The following BCAR3 variants were observed in gnomAD, a reference collection of about 807,000 sequenced individuals.
BCAR3 encodes the protein BCAR3 adaptor protein, NSP family member, also known as breast cancer anti-estrogen resistance protein 3.
Under a neutral mutation model 80.1 loss-of-function variants are expected in BCAR3, and 37 were observed. The ratio of observed to expected loss-of-function variants is 0.46; its 90% CI spans 0.36 to 0.61. The LOEUF is 0.61. Ranked by LOEUF, BCAR3 falls within the 20% of genes least tolerant of loss-of-function variation. BCAR3 has a pLI of 0.00. For missense variants in BCAR3, 978 were observed against 1,068.2 expected (o/e 0.92, Z 1.18); for synonymous variants, 389 against 418.9 (o/e 0.93, Z 0.87).
intron 2 of BCAR3, among the ~76,000 whole-genome samples, chr1:93,810,487 C>T (rs762343816): frequency 6.6e-6 from 1 of 152,152 alleles, no homozygotes; most frequent in Non-Finnish European, 1.5e-5. Flanking sequence ...CCCACATCAG[C>T]ACACTCTGAT....
At chr1:93,711,838 T>C (rs1650038111) in intron 2 of BCAR3, among the ~76,000 whole-genome samples, 1 of 152,214 alleles carries the variant, frequency 6.6e-6, no homozygotes, top group Admixed American at 6.5e-5. Context: ...GTCTTATTCA[T>C]GTTTGTGACC....
In BCAR3 at chr1:93,786,064, G is replaced by T. The variant is rs1483061416; in HGVS notation, c.-63+59503C>A. On this transcript the variant is annotated intron_variant, in intron 2 of 13. Transcript: ENST00000370244. ...AAAAATTAGCCGGGCGTGGTGGCGG[G>T]CGCCTGTAGTCCCAGCTACTCGGGA... 1.4e-5 allele frequency among the ~76,000 whole-genome samples: 2 copies of T among 141,306 alleles called. 1 individual carries two copies. Among genetic ancestry groups the T allele is most frequent in the Admixed American group, 1.4e-4 (2 of 14,088 alleles). 92.7% of individuals were successfully genotyped at this position (141,306 alleles called of 152,430 possible). A position where few individuals can be genotyped will look rare whatever the true frequency, so the allele number is the denominator to read the frequency against.
intron 3 of BCAR3, among the ~76,000 whole-genome samples, chr1:93,689,496 A>T (rs948268966): frequency 6.7e-6 from 1 of 150,274 alleles, no homozygotes; most frequent in African/African-American, 2.5e-5. Context: ...GCACCATTGC[A>T]CTCTAGCCTA....
chr1:93,622,627 T>C (rs1336014794), intron 3 of BCAR3, among the ~76,000 whole-genome samples: 2 of 152,170 alleles, frequency 1.3e-5, no homozygotes, highest in South Asian at 2.1e-4. Flanking sequence ...GGGACCGCTT[T>C]TGTCACATGG....
intron 3 of BCAR3, among the ~76,000 whole-genome samples, chr1:93,629,266 A>G (rs1279533067): frequency 1.3e-5 from 2 of 152,074 alleles, no homozygotes; most frequent in African/African-American, 4.8e-5. Context: ...CCAGGCATGG[A>G]GTCTTCTGCC....
chr1:93,628,571 T>G (rs1675516555), intron 3 of BCAR3, among the ~76,000 whole-genome samples: 2 of 152,168 alleles, frequency 1.3e-5, no homozygotes, highest in Admixed American at 1.3e-4. Flanking sequence ...TTGCCCTTCT[T>G]CTTCCCCTTA....
At chr1:93,688,081 C>T (rs546419628) in intron 3 of BCAR3, among the ~76,000 whole-genome samples, 1 of 152,278 alleles carries the variant, frequency 6.6e-6, no homozygotes, top group South Asian at 2.1e-4. Context: ...GGTGCCTGCC[C>T]CTGAAGAGCT....
chr1:93,703,454 C>A (rs1649719049), intron 3 of BCAR3, among the ~76,000 whole-genome samples: 1 of 151,784 alleles, frequency 6.6e-6, no homozygotes, highest in Non-Finnish European at 1.5e-5. Context: ...GTAGTCCTAC[C>A]TACTCGGGAG....
intron 3 of BCAR3, among the ~76,000 whole-genome samples, chr1:93,609,109 G>A (rs1674871004): frequency 6.6e-6 from 1 of 152,210 alleles, no homozygotes; most frequent in South Asian, 2.1e-4. Flanking sequence ...CCAAGTTCCA[G>A]GGGCCTGGCA....
chr1:93,723,239 A>AAC (rs1410085971), intron 2 of BCAR3: 1 of 152,162 alleles, frequency 6.6e-6, no homozygotes, highest in Non-Finnish European at 1.5e-5. Flanking sequence ...TTGAAATAGA[A>AAC]ACACACACTC....
At chr1:93,645,330 G>A (rs534126066) in intron 2 of BCAR3, among the ~76,000 whole-genome samples, 133 of 152,160 alleles carry the variant, frequency 8.7e-4, no homozygotes, top group African/African-American at 3.2e-3. Context: ...AAAATAAGGA[G>A]AATGATCCCC....
chr1:93,772,273 T>C (rs1373654729), intron 2 of BCAR3, among the ~76,000 whole-genome samples: 2 of 152,140 alleles, frequency 1.3e-5, no homozygotes, highest in Non-Finnish European at 1.5e-5. Context: ...GACTACAAGT[T>C]GGAGAGAGGA....
At position 93,716,484 on chromosome 1, in the gene BCAR3, T is replaced by TG. The variant is rs1232241227; in HGVS notation, c.-62-10343dup. Among the ~76,000 whole-genome samples, 10 of 152,224 alleles carry TG rather than the reference T, an allele frequency of 6.6e-5. No homozygotes were observed. In the East Asian group the frequency reaches 1.9e-3, roughly 29 times the overall value. ...AATTCAAACTCATTAGCTTGGCCTG[T>TG]GAGATCAAGGGTGATCTGACTCTTA... is the stretch of plus-strand genomic sequence containing the variant. On this transcript the variant is annotated intron_variant, in intron 2 of 13. Transcript: ENST00000370244.
intron 2 of BCAR3, among the ~76,000 whole-genome samples, chr1:93,754,889 A>G (rs1651693031): frequency 6.6e-6 from 1 of 152,338 alleles, no homozygotes; most frequent in East Asian, 1.9e-4. Context: ...CAGTTGCTTC[A>G]GGAGGTATTC....
In BCAR3 at chr1:93,814,609, A is replaced by C. The variant is rs1488867130; in HGVS notation, c.-63+30958T>G. Among the ~76,000 whole-genome samples, 4 of 152,202 alleles carry C rather than the reference A, an allele frequency of 2.6e-5. No homozygotes were observed. In the South Asian group the frequency reaches 8.3e-4, roughly 32 times the overall value. ...GAACTCTGGGCAGCCCTCATGGAGAAGGAGGCCTGGCCTTTAGTGTTTCTG... is the reference window on the plus strand; with the variant it reads ...GAACTCTGGGCAGCCCTCATGGAGACGGAGGCCTGGCCTTTAGTGTTTCTG... On this transcript the variant is annotated intron_variant, in intron 2 of 13. Transcript: ENST00000370244.
chr1:93,707,432 G>T (rs906559753), intron 2 of BCAR3, among the ~76,000 whole-genome samples: 2 of 152,058 alleles, frequency 1.3e-5, no homozygotes, highest in African/African-American at 4.8e-5. Context: ...ATAATAGGCC[G>T]GGCATGGTGG....
Position 93,636,161 on chromosome 1 carries a change from G to T in BCAR3, c.357+6143C>A, listed in dbSNP as rs79876636. The stretch of plus-strand genomic sequence containing the variant: ...GACCTAGAAGACCCTTGGGGAAGGA[G>T]AATTTTCAGAGCATTGACCCCAGAA... On this transcript the variant is annotated intron_variant, in intron 3 of 11. Coordinates refer to ENST00000260502, the MANE Select transcript of BCAR3 (RefSeq NM_003567.4). Among the ~76,000 whole-genome samples the T allele has an allele frequency of 2.0e-5, 3 of 152,292 alleles. No homozygotes were observed. In the East Asian group the frequency reaches 5.8e-4, roughly 29 times the overall value.
At chr1:93,727,081 TG>T (rs1650610882) in intron 2 of BCAR3, among the ~76,000 whole-genome samples, 2 of 152,374 alleles carry the variant, frequency 1.3e-5, no homozygotes, top group East Asian at 3.9e-4. Context: ...CTCTTGTACA[TG>T]GTGGCTTTGT....
chr1:93,701,020 G>A (rs1402257964), intron 3 of BCAR3, among the ~76,000 whole-genome samples: 1 of 152,218 alleles, frequency 6.6e-6, no homozygotes, highest in African/African-American at 2.4e-5. Context: ...CCAAACCTGG[G>A]TTTTGAGCAG....
Sources: gnomAD v4.1 joint callset for allele counts (sites outside exome capture counted in the v4.1 genomes callset) on GRCh38, gnomAD v4.1.1 for gene constraint, MANE v1.5 for transcripts, NCBI Gene and HGNC (gene_info 2026-07-23, HGNC 2026-07-21) for gene names.